Variants in LHX8 observed in about 807,000 individuals in gnomAD.
The protein encoded by LHX8 is LIM/homeobox protein Lhx8.
LHX8 carries 12 observed loss-of-function variants against 40.3 expected under a neutral mutation model. The ratio of observed to expected loss-of-function variants is 0.30; its 90% CI spans 0.19 to 0.48. The LOEUF (loss-of-function observed/expected upper bound fraction) is 0.48, where lower values mean the gene tolerates loss of function less well. Ranked by LOEUF, LHX8 falls within the 20% of genes least tolerant of loss-of-function variation. The pLI is 0.99. For synonymous variants in LHX8, 179 were observed against 162.0 expected (o/e 1.10, Z -0.80); for missense variants, 344 against 433.7 (o/e 0.79, Z 1.84).
chr1:75,147,295 A>G (rs543228583), intron 6 of LHX8, among the ~76,000 whole-genome samples: 1 of 152,248 alleles, frequency 6.6e-6, no homozygotes, highest in African/African-American at 2.4e-5. Context: ...CCAGAACAAT[A>G]TTGGCCTTTT....
chr1:75,192,921 T>G, the LHX8 span, among the ~76,000 whole-genome samples: 3 of 152,210 alleles, frequency 2.0e-5, no homozygotes, highest in African/African-American at 7.2e-5. Context: ...CTTGAACTCC[T>G]GACCTCAGGT....
At chr1:75,141,886 G>C (rs1648322676) in intron 4 of LHX8, among the ~76,000 whole-genome samples, 1 of 152,026 alleles carries the variant, frequency 6.6e-6, no homozygotes, top group Admixed American at 6.6e-5. Flanking sequence ...AATAAAGGCT[G>C]TAATACTAAT....
the LHX8 span, among the ~76,000 whole-genome samples, chr1:75,180,840 G>A: frequency 7.2e-5 from 11 of 152,092 alleles, no homozygotes; most frequent in Non-Finnish European, 2.9e-5. Context: ...ATCTACCTTT[G>A]GTTTTTGATG....
chr1:75,168,908 C>T, the LHX8 span, among the ~76,000 whole-genome samples: 2 of 152,354 alleles, frequency 1.3e-5, no homozygotes, highest in East Asian at 3.9e-4. Context: ...TACTGCAAAA[C>T]ATCATCTCCC....
chr1:75,175,976 C>A, the LHX8 span, among the ~76,000 whole-genome samples: 10 of 152,274 alleles, frequency 6.6e-5, 1 homozygote, highest in African/African-American at 2.2e-4. Context: ...CCAGCTTCAT[C>A]CATGTAGCTA....
chr1:75,188,139 C>T, the LHX8 span, among the ~76,000 whole-genome samples: 1 of 152,048 alleles, frequency 6.6e-6, no homozygotes, highest in Non-Finnish European at 1.5e-5. Flanking sequence ...CCATGACATC[C>T]CTTTCATTTT....
At chr1:75,152,174 A>G (rs1392499531) in intron 7 of LHX8, among the ~76,000 whole-genome samples, 1 of 152,188 alleles carries the variant, frequency 6.6e-6, no homozygotes, top group Non-Finnish European at 1.5e-5. Context: ...GAAAGGTAAG[A>G]AAAAAGAGTT....
chr1:75,177,885 T>G, the LHX8 span, among the ~76,000 whole-genome samples: 1 of 152,116 alleles, frequency 6.6e-6, no homozygotes, highest in Non-Finnish European at 1.5e-5. Context: ...TTAGGATGAA[T>G]GGCTGTTGAA....
At chr1:75,179,497 C>A in the LHX8 span, among the ~76,000 whole-genome samples, 6 of 133,256 alleles carry the variant, frequency 4.5e-5, no homozygotes, top group Non-Finnish European at 8.0e-5. Context: ...ATTGCAACCC[C>A]TGTTGTTTTT....
At chr1:75,176,704 T>G in the LHX8 span, among the ~76,000 whole-genome samples, 1 of 152,228 alleles carries the variant, frequency 6.6e-6, no homozygotes, top group Non-Finnish European at 1.5e-5. Flanking sequence ...ACTTTGGCTT[T>G]TGTTGCCATT....
intron 6 of LHX8, among the ~76,000 whole-genome samples, chr1:75,146,057 A>C (rs983584976): frequency 9.2e-5 from 14 of 152,314 alleles, no homozygotes; most frequent in Non-Finnish European, 1.5e-4. Context: ...TTTATAATTT[A>C]GGAATCTGAA....
chr1:75,159,512 A>G (rs1055366237), intron 8 of LHX8: 6 of 152,124 alleles, frequency 3.9e-5, no homozygotes, highest in African/African-American at 1.4e-4. Context: ...TAAAAAAATC[A>G]TCCACCGACT....
chr1:75,158,053 C>G (rs1648817055), intron 8 of LHX8, among the ~76,000 whole-genome samples: 1 of 152,182 alleles, frequency 6.6e-6, no homozygotes, highest in East Asian at 1.9e-4. Flanking sequence ...GCTTCACATC[C>G]TCACCAACAC....
chr1:75,173,199 A>T, the LHX8 span, among the ~76,000 whole-genome samples: 1 of 152,192 alleles, frequency 6.6e-6, no homozygotes, highest in East Asian at 1.9e-4. Flanking sequence ...GGTATGTGTC[A>T]GGCACTGTGC....
upstream of LHX8, among the ~76,000 whole-genome samples, chr1:75,129,708 TCCTG>T (rs1420134459): frequency 6.6e-6 from 1 of 152,146 alleles, no homozygotes; most frequent in Non-Finnish European, 1.5e-5. Context: ...AGTTTAACTT[TCCTG>T]CCACACTGGC....
chr1:75,142,375 A>T (rs1391535588), intron 4 of LHX8, among the ~76,000 whole-genome samples: 1 of 152,168 alleles, frequency 6.6e-6, no homozygotes, highest in African/African-American at 2.4e-5. Flanking sequence ...AGGAGACATA[A>T]CAAAGAGTTC....
At chr1:75,151,544 C>T (rs1481990626) in intron 7 of LHX8, among the ~76,000 whole-genome samples, 5 of 152,082 alleles carry the variant, frequency 3.3e-5, no homozygotes, top group African/African-American at 1.2e-4. Context: ...TTCCCTGCAA[C>T]GGAATGTAGA....
chr1:75,167,773 C>T, the LHX8 span, among the ~76,000 whole-genome samples: 1 of 152,292 alleles, frequency 6.6e-6, no homozygotes, highest in Non-Finnish European at 1.5e-5. Context: ...TAATTTACTC[C>T]ATGCCAGGAT....
intron 7 of LHX8, among the ~76,000 whole-genome samples, chr1:75,153,890 C>G (rs1455839871): frequency 6.6e-6 from 1 of 152,086 alleles, no homozygotes; most frequent in Non-Finnish European, 1.5e-5. Flanking sequence ...TCAGTTTTCC[C>G]TAAATCAGTG....
Sources: gnomAD v4.1 joint callset for allele counts (sites outside exome capture counted in the v4.1 genomes callset) on GRCh38, gnomAD v4.1.1 for gene constraint, MANE v1.5 for transcripts, NCBI Gene and HGNC (gene_info 2026-07-23, HGNC 2026-07-21) for gene names.